The following RTN4RL2 variants were observed in gnomAD, a reference collection of about 807,000 sequenced individuals.
RTN4RL2 encodes the protein reticulon-4 receptor-like 2.
Under a neutral mutation model 27.8 loss-of-function variants are expected in RTN4RL2, and 9 were observed. The observed-to-expected ratio is 0.32, with a 90% CI of 0.20 to 0.57. The LOEUF (loss-of-function observed/expected upper bound fraction) is 0.57, where lower values mean the gene tolerates loss of function less well. Among genes scored for constraint, RTN4RL2 ranks in the 20% least tolerant of loss-of-function variants. RTN4RL2 has a pLI of 0.90. For missense variants in RTN4RL2, 436 were observed against 596.8 expected, an observed-to-expected ratio of 0.73 and a Z score of 2.81; for synonymous variants, 285 against 297.9, an observed-to-expected ratio of 0.96 and a Z score of 0.45.
Position 57,476,426 on chromosome 11 carries a change from G to T in RTN4RL2, c.778G>T (p.Ala260Ser), listed in dbSNP as rs1447786349. The T allele has an allele frequency of 1.3e-6, 2 of 1,595,114 alleles. No homozygotes were observed. Among genetic ancestry groups the T allele is most frequent in the South Asian group, 2.2e-5 (2 of 90,242 alleles). The change falls in exon 3 of 3, where the codon GCT (alanine) becomes TCT (serine). Residue 260 changes from alanine (A) to serine (S), a missense_variant. Coordinates refer to ENST00000335099, the MANE Select transcript of RTN4RL2 (RefSeq NM_178570.3). The surrounding 1 kb of genome is among the most constrained non-coding windows in gnomAD (Gnocchi z 8.2). The stretch of plus-strand genomic sequence containing the variant: ...CTCGCTCGAGTTCCTGCGGCTCAAC[G>T]CTAACCCCTGGGCGTGCGACTGCCG... ...LPSLEFLRLN[A>S]NPWACDCRAR... is the part of the protein sequence containing the mutation.
At chr11:57,465,280 A>C (rs886411037) in intron 1 of RTN4RL2, among the ~76,000 whole-genome samples, 3 of 152,218 alleles carry the variant, frequency 2.0e-5, no homozygotes, top group African/African-American at 7.2e-5. Flanking sequence ...GCCACTACCC[A>C]AAATCACAGA....
At chr11:57,474,258 G>A (rs765039859) in intron 2 of RTN4RL2, among the ~76,000 whole-genome samples, 5 of 152,062 alleles carry the variant, frequency 3.3e-5, no homozygotes, top group African/African-American at 4.8e-5. Context: ...TGAGGGGGAC[G>A]GATCTCAATG....
rs1485185028 is a variant in RTN4RL2, at chr11:57,467,055, A to G, written c.32-554A>G. 6.6e-6 allele frequency among the ~76,000 whole-genome samples: 1 copy of G among 152,226 alleles called. No individual in the cohort carries two copies. Among genetic ancestry groups the G allele is most frequent in the African/African-American group, 2.4e-5 (1 of 41,454 alleles). On this transcript the variant is annotated intron_variant, in intron 1 of 2. Coordinates refer to ENST00000335099, the MANE Select transcript of RTN4RL2 (RefSeq NM_178570.3). This position sits in a 1 kb window ranked among gnomAD's most constrained non-coding sequence, Gnocchi z 5.5. The stretch of plus-strand genomic sequence containing the variant: ...GGAATGAAGAGATGATCATTCTTCA[A>G]CCAATTTGCAGTGCTTTCTACAATG...
intron 1 of RTN4RL2, among the ~76,000 whole-genome samples, chr11:57,461,158 G>A (rs1943481424): frequency 6.6e-6 from 1 of 152,126 alleles, no homozygotes; most frequent in Non-Finnish European, 1.5e-5. Context: ...GAGCGGGGAG[G>A]GAGGCTCAGG....
intron 2 of RTN4RL2, among the ~76,000 whole-genome samples, chr11:57,472,183 AC>A (rs1261427477): frequency 6.7e-6 from 1 of 150,132 alleles, no homozygotes; most frequent in Non-Finnish European, 1.5e-5. Flanking sequence ...TTCAGTCATT[AC>A]AGTGGCCTGC....
rs1168568546 is a variant in RTN4RL2 at position 57,476,977 on chromosome 11, T to TCCGGCC, written c.*69_*74dup. The TCCGGCC allele has an allele frequency of 2.1e-6, 3 of 1,454,314 alleles. No individual in the cohort carries two copies. Among genetic ancestry groups the TCCGGCC allele is most frequent in the African/African-American group, 2.9e-5 (2 of 67,946 alleles). The allele number at this position is 1,454,314 out of a possible 1,614,324, so 90.1% of individuals were successfully genotyped here. ...CTTCCCGTCCACCCGGGGCTGCGGCTCCGGCCCCAGTCGCCCCACCTTCCC... is the reference window on the plus strand; with the variant it reads ...CTTCCCGTCCACCCGGGGCTGCGGCTCCGGCCCCGGCCCCAGTCGCCCCACCTTCCC... On this transcript the variant is annotated 3_prime_UTR_variant, in exon 3 of 3. Coordinates refer to ENST00000335099, the MANE Select transcript of RTN4RL2 (RefSeq NM_178570.3). This position sits in a 1 kb window ranked among gnomAD's most constrained non-coding sequence, Gnocchi z 8.2.
Position 57,476,293 on chromosome 11 carries a change from G to T in RTN4RL2, c.645G>T (p.Leu215=), listed in dbSNP as rs1440838769. ...LDRLLLHGNR[L]QGVHRAAFRG... is the part of the protein sequence containing the mutation. ...GGCTGCTGCTGCACGGGAACCGGCT[G>T]CAGGGCGTGCACCGCGCGGCCTTCC... Residue 215 remains leucine, a synonymous_variant, in exon 3 of 3, where the codon CTG becomes CTT. Transcript: ENST00000335099. This position sits in a 1 kb window ranked among gnomAD's most constrained non-coding sequence, Gnocchi z 8.2. 1 of 1,612,018 alleles carries T rather than the reference G, an allele frequency of 6.2e-7. No homozygotes were observed. Among genetic ancestry groups the T allele is most frequent in the Non-Finnish European group, 8.5e-7 (1 of 1,179,430 alleles).
intron 2 of RTN4RL2, among the ~76,000 whole-genome samples, chr11:57,474,980 G>T (rs1447983704): frequency 6.6e-6 from 1 of 152,120 alleles, no homozygotes. Flanking sequence ...GCCGCCTCTG[G>T]GGGTGGAGCT....
intron 2 of RTN4RL2, among the ~76,000 whole-genome samples, chr11:57,468,364 CCTGT>C (rs1023409672): frequency 8.5e-5 from 13 of 152,216 alleles, no homozygotes; most frequent in Middle Eastern, 3.4e-3. Context: ...TCTGCCTCTG[CCTGT>C]CTGTCTGTCT....
rs114435068 is a variant in RTN4RL2, at chr11:57,463,340, G to A, written c.31+2444G>A. Among the ~76,000 whole-genome samples the A allele has an allele frequency of 1.2e-3, 190 of 152,338 alleles. 1 individual carries two copies. Among genetic ancestry groups the A allele is most frequent in the African/African-American group, 4.5e-3 (188 of 41,582 alleles). ...CTACCCTGCTGTACTCTCCCCTGCAGCTCTAGCCATCCCCTGCTGACTTTA... is the reference window on the plus strand; with the variant it reads ...CTACCCTGCTGTACTCTCCCCTGCAACTCTAGCCATCCCCTGCTGACTTTA... On this transcript the variant is annotated intron_variant, in intron 1 of 2. Coordinates refer to ENST00000335099, the MANE Select transcript of RTN4RL2 (RefSeq NM_178570.3).
In RTN4RL2 at chr11:57,467,381, T is replaced by G. The variant is rs1408384495; in HGVS notation, c.32-228T>G. ...ACATGCCACCATGCCTGGCTAATTT[T>G]TTTTTTTTTCTTGTAAAGACAGGGA... On this transcript the variant is annotated intron_variant, in intron 1 of 2. Transcript: ENST00000335099. This position sits in a 1 kb window ranked among gnomAD's most constrained non-coding sequence, Gnocchi z 5.5. Among the ~76,000 whole-genome samples the G allele has an allele frequency of 6.6e-6, 1 of 152,002 alleles. No homozygotes were observed. The highest frequency in any genetic ancestry group is 1.5e-5 in the Non-Finnish European group (1 of 68,008).
intron 1 of RTN4RL2, among the ~76,000 whole-genome samples, chr11:57,465,990 ATTTTTTT>A (rs35174184): frequency 9.0e-5 from 7 of 77,898 alleles, no homozygotes; most frequent in South Asian, 4.4e-4. Context: ...CATGCCTACA[ATTTTTTT>A]TTTTTTTTTT....
At chr11:57,466,844 C>G (rs1306896376) in intron 1 of RTN4RL2, among the ~76,000 whole-genome samples, 1 of 152,224 alleles carries the variant, frequency 6.6e-6, no homozygotes, top group Non-Finnish European at 1.5e-5. Context: ...GTTGTCACAA[C>G]TGGAGGCAGG....
At position 57,476,613 on chromosome 11, in the gene RTN4RL2, C is replaced by A; in HGVS notation, c.965C>A (p.Ala322Asp). ...GCACCCACGCGGCCGGGCAGCCGCG[C>A]CCGCGGCAACAGCTCCTCCAACCAC... is the stretch of plus-strand genomic sequence containing the variant. ...PAAPTRPGSR[A>D]RGNSSSNHLY... Residue 322 changes from alanine to aspartate, a missense_variant, in exon 3 of 3, where the codon GCC (alanine) becomes GAC (aspartate). Ala to Asp is a moderately radical substitution (Grantham distance 126). Around this residue, in one of 3 missense-constraint regions of RTN4RL2, gnomAD observed 365 missense variants for 530.5 expected, o/e 0.69. Transcript: ENST00000335099. The surrounding 1 kb of genome is among the most constrained non-coding windows in gnomAD (Gnocchi z 8.2). 1 of 1,410,122 alleles carries A rather than the reference C, an allele frequency of 7.1e-7. No individual in the cohort carries two copies. Among genetic ancestry groups the A allele is most frequent in the Non-Finnish European group, 9.2e-7 (1 of 1,089,272 alleles). 87.4% of individuals were successfully genotyped at this position (1,410,122 alleles called of 1,614,324 possible). A position where few individuals can be genotyped will look rare whatever the true frequency, so the allele number is the denominator to read the frequency against.
chr11:57,474,333 AG>A (rs1291654313), intron 2 of RTN4RL2, among the ~76,000 whole-genome samples: 2 of 152,042 alleles, frequency 1.3e-5, no homozygotes, highest in African/African-American at 2.4e-5. Flanking sequence ...GCCAGATGGG[AG>A]GGGGCGAGAA....
chr11:57,460,967 A>G, intron 1 of RTN4RL2, 71 bp downstream of exon 1: 1 of 857,054 alleles, frequency 1.2e-6, no homozygotes, highest in South Asian at 2.8e-5. Flanking sequence ...TCTTTCAGGG[A>G]TTGAGGGTGG....
In RTN4RL2 at chr11:57,467,076, C is replaced by T. The variant is rs1361178328; in HGVS notation, c.32-533C>T. Among the ~76,000 whole-genome samples, 7 of 152,366 alleles carry T rather than the reference C, an allele frequency of 4.6e-5. No individual in the cohort carries two copies. The East Asian group carries it at 1.3e-3, about 29-fold the overall frequency. ...TTCAACCAATTTGCAGTGCTTTCTA[C>T]AATGGCCTTTTGGCATTATTTTTTA... On this transcript the variant is annotated intron_variant, in intron 1 of 2. Transcript: ENST00000335099. This position sits in a 1 kb window ranked among gnomAD's most constrained non-coding sequence, Gnocchi z 5.5.
chr11:57,466,262 C>T (rs1171578924), intron 1 of RTN4RL2, among the ~76,000 whole-genome samples: 1 of 152,064 alleles, frequency 6.6e-6, no homozygotes, highest in Non-Finnish European at 1.5e-5. Context: ...GCCTCAGACT[C>T]CCAAAGTGCT....
intron 2 of RTN4RL2, among the ~76,000 whole-genome samples, chr11:57,469,231 A>G (rs1358184479): frequency 6.6e-6 from 1 of 152,232 alleles, no homozygotes; most frequent in Non-Finnish European, 1.5e-5. Flanking sequence ...AGTGAACAGA[A>G]CAGACCAAAC....
Sources: allele counts gnomAD v4.1 joint callset (sites outside exome capture counted in the v4.1 genomes callset), GRCh38; gene constraint gnomAD v4.1.1; regional missense constraint gnomAD v4.1.1; non-coding constraint Gnocchi (gnomAD v3.1); transcripts MANE v1.5; gene names NCBI Gene and HGNC (gene_info 2026-07-23, HGNC 2026-07-21).